PHTF1: variants seen among roughly 807,000 people sequenced by gnomAD.
PHTF1 encodes putative homeodomain transcription factor 1.
A neutral mutation model predicts 102.4 loss-of-function variants in PHTF1; 88 were observed. The ratio of observed to expected loss-of-function variants is 0.86; its 90% CI spans 0.72 to 1.03. The LOEUF (loss-of-function observed/expected upper bound fraction) is 1.03. Among genes scored for constraint, PHTF1 ranks in the 50% least tolerant of loss-of-function variants. PHTF1 has a pLI of 0.00. For missense variants in PHTF1, 814 were observed against 909.5 expected (o/e 0.89, Z 1.35); for synonymous variants, 289 against 305.2 (o/e 0.95, Z 0.55).
chr1:113,736,385 A>G (rs2101581767), intron 5 of PHTF1, among the ~76,000 whole-genome samples: 1 of 151,332 alleles, frequency 6.6e-6, no homozygotes, highest in African/African-American at 2.4e-5. Flanking sequence ...TGGCCTCTTT[A>G]TGAAAGTTAC....
At chr1:113,728,633 G>A (rs1411240604) in intron 5 of PHTF1, among the ~76,000 whole-genome samples, 1 of 152,208 alleles carries the variant, frequency 6.6e-6, no homozygotes, top group Non-Finnish European at 1.5e-5. Context: ...TGGTGGTTGG[G>A]CACTGTGGCT....
chr1:113,744,857 G>A (rs966956822), intron 3 of PHTF1, among the ~76,000 whole-genome samples: 2 of 152,080 alleles, frequency 1.3e-5, no homozygotes, highest in Admixed American at 6.6e-5. Context: ...GCTGAGGCAG[G>A]AGAATTCCTT....
At chr1:113,751,876 C>T (rs978174179) in intron 3 of PHTF1, among the ~76,000 whole-genome samples, 7 of 152,166 alleles carry the variant, frequency 4.6e-5, no homozygotes, top group African/African-American at 1.7e-4. Context: ...CATCACCTTG[C>T]CAACATTTGG....
rs1659315077 is a variant in PHTF1 at position 113,759,042 on chromosome 1, G to A, written c.-50C>T. ...TCTCACCTAGTGCCCGTTGCCCCGC[G>A]GGCCGGCGCCCGGGACCTCCGTCCT... On this transcript the variant is annotated 5_prime_UTR_variant, in exon 1 of 19. Coordinates refer to ENST00000369604, the MANE Select transcript of PHTF1 (RefSeq NM_001323043.2). The A allele has an allele frequency of 3.0e-6, 3 of 1,016,596 alleles. No homozygotes were observed. The highest frequency in any genetic ancestry group is 1.7e-5 in the African/African-American group (1 of 58,470). The allele number at this position is 1,016,596 out of a possible 1,614,324, so 63.0% of individuals were successfully genotyped here.
In PHTF1 at chr1:113,700,271, T is replaced by G. The variant is rs1031490433; in HGVS notation, c.2047-472A>C. ...AAGACAAAAAAAAAACAGAAACGAA[T>G]GATAAATGTTTTTATTCAAAGTTTA... On this transcript the variant is annotated intron_variant, in intron 16 of 18. Transcript: ENST00000369604. The G allele has an allele frequency of 3.9e-5, 23 of 588,310 alleles. 1 individual carries two copies. Among genetic ancestry groups the G allele is most frequent in the Non-Finnish European group, 4.7e-5 (22 of 467,472 alleles). 36.4% of individuals were successfully genotyped at this position (588,310 alleles called of 1,614,324 possible).
Position 113,742,954 on chromosome 1 carries a change from C to T in PHTF1, c.103-4155G>A, listed in dbSNP as rs377072974. On this transcript the variant is annotated intron_variant, in intron 3 of 18. Transcript: ENST00000369604. ...GCTCAAGCAATCCTCCTACCTCAGC[C>T]TCCCAAGGAGTTTTTTGTTGTTGTT... is the stretch of plus-strand genomic sequence containing the variant. Among the ~76,000 whole-genome samples, 5 of 152,264 alleles carry T rather than the reference C, an allele frequency of 3.3e-5. No homozygotes were observed. In the East Asian group the frequency reaches 9.7e-4, roughly 29 times the overall value.
At chr1:113,713,566 G>T in intron 7 of PHTF1, 128 bp from the exon 8 acceptor site, 1 of 620,992 alleles carries the variant, frequency 1.6e-6, no homozygotes, top group South Asian at 2.1e-5. Context: ...TATTTTTCAG[G>T]ACTTTAGCTT....
At position 113,710,392 on chromosome 1, in the gene PHTF1, C is replaced by T. The variant is rs765798153; in HGVS notation, c.1131G>A (p.Glu377=). 1.2e-6 allele frequency: 2 copies of T among 1,614,136 alleles called. No individual in the cohort carries two copies. The highest frequency in any genetic ancestry group is 1.7e-6 in the Non-Finnish European group (2 of 1,179,992). ...RDSESTRHDS[E]TEDMLWDDLL... is the part of the protein sequence containing the mutation. ...GGTCGTCCCATAACATGTCCTCAGT[C>T]TCCGAGTCATGGCGGGTGCTTTCTG... The change falls in exon 11 of 19, where the codon GAG becomes GAA. Residue 377 remains glutamate (E), a synonymous_variant. Coordinates refer to ENST00000369604, the MANE Select transcript of PHTF1 (RefSeq NM_001323043.2).
chr1:113,724,644 T>C (rs1380211804), intron 7 of PHTF1, 115 bp downstream of exon 7: 3 of 686,496 alleles, frequency 4.4e-6, no homozygotes, highest in Non-Finnish European at 6.7e-6. Flanking sequence ...AGCCCTCTGA[T>C]AACCCTTAAA....
intron 11 of PHTF1, among the ~76,000 whole-genome samples, chr1:113,707,196 T>C (rs1332055701): frequency 1.3e-5 from 2 of 151,936 alleles, no homozygotes; most frequent in African/African-American, 2.4e-5. Flanking sequence ...CTGGGAGTAA[T>C]AGGAAGTAAA....
At chr1:113,724,315 C>T (rs569636348) in intron 7 of PHTF1, among the ~76,000 whole-genome samples, 5 of 152,126 alleles carry the variant, frequency 3.3e-5, no homozygotes, top group African/African-American at 1.2e-4. Context: ...TGGCTCATGC[C>T]TGAGGCCTGA....
At chr1:113,730,618 C>T (rs983532659) in intron 5 of PHTF1, among the ~76,000 whole-genome samples, 2 of 152,138 alleles carry the variant, frequency 1.3e-5, no homozygotes, top group African/African-American at 2.4e-5. Context: ...TTTAATAAAG[C>T]GGCTGGTTAT....
chr1:113,732,050 T>A (rs1654740166), intron 5 of PHTF1, among the ~76,000 whole-genome samples: 1 of 152,158 alleles, frequency 6.6e-6, no homozygotes, highest in Admixed American at 6.5e-5. Flanking sequence ...GTATGTGTGC[T>A]GGGGAAAGGG....
At chr1:113,723,789 T>G (rs1275432482) in intron 7 of PHTF1, among the ~76,000 whole-genome samples, 1 of 152,078 alleles carries the variant, frequency 6.6e-6, no homozygotes, top group East Asian at 1.9e-4. Context: ...CACATCAAGT[T>G]AAAAAGCATC....
At chr1:113,709,212 G>C (rs1240435622) in intron 11 of PHTF1, among the ~76,000 whole-genome samples, 7 of 152,056 alleles carry the variant, frequency 4.6e-5, no homozygotes, top group Admixed American at 4.6e-4. Context: ...CTCCAGCCTG[G>C]GCAACAGAGT....
intron 5 of PHTF1, among the ~76,000 whole-genome samples, chr1:113,731,526 G>A (rs527480397): frequency 1.5e-4 from 22 of 150,554 alleles, no homozygotes; most frequent in African/African-American, 4.9e-4. Flanking sequence ...GTGAGACCCC[G>A]TCTCTATTTT....
intron 17 of PHTF1, among the ~76,000 whole-genome samples, chr1:113,698,616 TATATACACAC>T (rs1174464142): frequency 3.7e-3 from 424 of 114,034 alleles, no homozygotes; most frequent in Admixed American, 7.0e-3. Context: ...TTTATATATA[TATATACACAC>T]ACACACACAC....
intron 1 of PHTF1, 122 bp from the exon 2 acceptor site, chr1:113,758,855 G>C (rs1048057493): frequency 1.5e-5 from 20 of 1,333,998 alleles, no homozygotes; most frequent in East Asian, 9.2e-5. Flanking sequence ...CCAGCTGTTT[G>C]CCAGGGAAAA....
intron 5 of PHTF1, among the ~76,000 whole-genome samples, chr1:113,732,511 A>AG (rs1557947862): frequency 6.6e-6 from 1 of 152,064 alleles, no homozygotes; most frequent in African/African-American, 2.4e-5. Context: ...AAAAAAAACA[A>AG]TTTTCCTGCT....
Sources: allele counts gnomAD v4.1 joint callset (sites outside exome capture counted in the v4.1 genomes callset), GRCh38; gene constraint gnomAD v4.1.1; transcripts MANE v1.5; gene names NCBI Gene and HGNC (gene_info 2026-07-23, HGNC 2026-07-21).